The following ABCA12 variants were observed in gnomAD, a reference collection of about 807,000 sequenced individuals.
The protein encoded by ABCA12 is glucosylceramide transporter ABCA12.
A neutral mutation model predicts 293.5 loss-of-function variants in ABCA12; 156 were observed. The observed-to-expected ratio is 0.53, with a 90% CI of 0.47 to 0.61. The LOEUF (loss-of-function observed/expected upper bound fraction) is 0.61, where lower values mean the gene tolerates loss of function less well. Among genes scored for constraint, ABCA12 ranks in the 20% least tolerant of loss-of-function variants. The pLI is 0.00. For synonymous variants in ABCA12, 1,063 were observed against 1,108.0 expected (o/e 0.96, Z 0.81); for missense variants, 2,797 against 3,090.2 (o/e 0.91, Z 2.25).
rs371804152 is a variant in ABCA12 at position 214,953,986 on chromosome 2, T to A, written c.6515A>T (p.Tyr2172Phe). ...QQSVLDFLKA[Y>F]GVEYPNETFE... Reference sequence around the variant, plus strand: ...GGTTTCATTTGGGTATTCCACTCCATATGCTTTTAAGAAGTCTAGGACCGA... The same window carrying A: ...GGTTTCATTTGGGTATTCCACTCCAAATGCTTTTAAGAAGTCTAGGACCGA... The change falls in exon 44 of 53, where the codon TAT becomes TTT. Residue 2172 changes from tyrosine to phenylalanine, a missense_variant. By Grantham distance (22) the Tyr-to-Phe change is conservative. Around this residue, in one of 3 missense-constraint regions of ABCA12, gnomAD observed 2,130 missense variants for 2,427.0 expected, o/e 0.88. Coordinates refer to ENST00000272895, the MANE Select transcript of ABCA12 (RefSeq NM_173076.3). The A allele has an allele frequency of 4.6e-5, 75 of 1,614,000 alleles. No individual in the cohort carries two copies. The highest frequency in any genetic ancestry group is 6.0e-5 in the Non-Finnish European group (71 of 1,179,994).
intron 9 of ABCA12, chr2:215,029,127 C>G (rs1237808341): frequency 2.0e-5 from 3 of 152,084 alleles, no homozygotes; most frequent in Non-Finnish European, 4.4e-5. Context: ...ATAAACATTT[C>G]TCCTCTGAGC....
At chr2:215,047,720 G>A (rs1701231084) in intron 6 of ABCA12, among the ~76,000 whole-genome samples, 1 of 152,002 alleles carries the variant, frequency 6.6e-6, no homozygotes, top group Admixed American at 6.6e-5. Flanking sequence ...TAAAAACCCT[G>A]GAAGACAGCC....
At chr2:215,122,917 G>A (rs1259831415) in intron 1 of ABCA12, among the ~76,000 whole-genome samples, 1 of 152,086 alleles carries the variant, frequency 6.6e-6, no homozygotes, top group Non-Finnish European at 1.5e-5. Flanking sequence ...GTATCCAGTA[G>A]GTAATTTCTC....
intron 2 of ABCA12, among the ~76,000 whole-genome samples, chr2:215,103,133 C>T (rs970999512): frequency 1.3e-5 from 2 of 152,056 alleles, no homozygotes; most frequent in Non-Finnish European, 2.9e-5. Flanking sequence ...TTATTGCTCT[C>T]TTATAGGCTT....
Position 214,987,752 on chromosome 2 carries a change from G to A in ABCA12, c.3871C>T (p.Pro1291Ser). 2 of 1,613,954 alleles carry A rather than the reference G, an allele frequency of 1.2e-6. No individual in the cohort carries two copies. Among genetic ancestry groups the A allele is most frequent in the African/African-American group, 2.7e-5 (2 of 75,034 alleles). Residue 1291 changes from proline to serine, a missense_variant, in exon 27 of 53, where the codon CCT becomes TCT. By Grantham distance (74) the Pro-to-Ser change is moderately conservative. Transcript: ENST00000272895. Reference sequence around the variant, plus strand: ...CCAAATCGCTCCTTCCAATAGGAAGGAAGAATTGGAAAATACCAGGGAGCT... The same window carrying A: ...CCAAATCGCTCCTTCCAATAGGAAGAAAGAATTGGAAAATACCAGGGAGCT... Reference protein sequence around the residue: ...MAAPWYFPILPSYWKERFGCA... With the variant: ...MAAPWYFPILSSYWKERFGCA...
At chr2:214,967,832 C>G (rs1278795227) in intron 38 of ABCA12, among the ~76,000 whole-genome samples, 1 of 152,140 alleles carries the variant, frequency 6.6e-6, no homozygotes, top group East Asian at 1.9e-4. Flanking sequence ...AGTTCCCCCA[C>G]TTTCCCAAAG....
intron 32 of ABCA12, 115 bp from the exon 33 acceptor site, chr2:214,978,581 G>A (rs539274613): frequency 1.4e-4 from 191 of 1,326,026 alleles, no homozygotes; most frequent in African/African-American, 1.3e-3. Flanking sequence ...AATTTTTCCC[G>A]TCTGACTTCA....
chr2:214,953,465 A>G (rs1698843201), intron 44 of ABCA12, among the ~76,000 whole-genome samples: 1 of 152,100 alleles, frequency 6.6e-6, no homozygotes. Flanking sequence ...TCCCAAACTC[A>G]TTGCCAACAT....
At chr2:214,985,111 T>G (rs1332779271) in intron 28 of ABCA12, among the ~76,000 whole-genome samples, 2 of 152,202 alleles carry the variant, frequency 1.3e-5, no homozygotes, top group Non-Finnish European at 2.9e-5. Context: ...TTTTCCCATA[T>G]GAACACTGAA....
chr2:215,117,449 T>G (rs2106135142), intron 1 of ABCA12, among the ~76,000 whole-genome samples: 1 of 152,322 alleles, frequency 6.6e-6, no homozygotes, highest in Middle Eastern at 3.4e-3. Context: ...TGCAAAATTT[T>G]CATTTAAAGC....
intron 2 of ABCA12, among the ~76,000 whole-genome samples, chr2:215,091,997 C>T (rs950214471): frequency 1.3e-5 from 2 of 152,194 alleles, no homozygotes; most frequent in African/African-American, 4.8e-5. Flanking sequence ...TCCCAGAGCC[C>T]CTGGAATGCT....
At chr2:215,075,565 A>C in intron 2 of ABCA12, 1 of 700,414 alleles carries the variant, frequency 1.4e-6, no homozygotes, top group South Asian at 1.5e-5. Context: ...TGCAGGAAAA[A>C]AAAAAAATCT....
chr2:215,051,244 A>G (rs942268674), intron 5 of ABCA12, among the ~76,000 whole-genome samples: 6 of 152,302 alleles, frequency 3.9e-5, no homozygotes, highest in African/African-American at 1.4e-4. Context: ...TTAACTGGGC[A>G]TATTGAGAGA....
chr2:215,049,722 C>G lies in ABCA12; in HGVS notation c.597G>C (p.Trp199Cys), dbSNP rs16853238. 17,764 of 1,613,526 alleles carry G rather than the reference C, an allele frequency of 0.011. 1,650 individuals carry two copies. The African/African-American group carries it at 0.21, about 19-fold the overall frequency. Reference sequence around the variant, plus strand: ...TAAAAACATTTCTTCCTAGAAAGGTCCAAGAGAAGGCATCATCCACAATGT... The same window carrying G: ...TAAAAACATTTCTTCCTAGAAAGGTGCAAGAGAAGGCATCATCCACAATGT... ...SGYIVDDAFS[W>C]TFLGRNVFNK... The change falls in exon 6 of 53, where the codon TGG (tryptophan) becomes TGC (cysteine). Residue 199 changes from tryptophan (W) to cysteine (C), a missense_variant. Trp to Cys is a radical substitution (Grantham distance 215, BLOSUM62 -2). Transcript: ENST00000272895.
chr2:215,118,229 C>T (rs1437231993), intron 1 of ABCA12, among the ~76,000 whole-genome samples: 1 of 151,966 alleles, frequency 6.6e-6, no homozygotes, highest in Non-Finnish European at 1.5e-5. Flanking sequence ...TGGTGAAAAC[C>T]CGTCTCTACT....
At chr2:214,937,352 C>T (rs1201745048) in intron 51 of ABCA12, among the ~76,000 whole-genome samples, 158 bp downstream of exon 51, 1 of 152,200 alleles carries the variant, frequency 6.6e-6, no homozygotes, top group East Asian at 1.9e-4. Flanking sequence ...GCATGTGCCA[C>T]CATGCCCAGC....
rs138991899 is a variant in ABCA12 at position 215,124,955 on chromosome 2, T to G, written c.69+13185A>C. 4.4e-3 allele frequency among the ~76,000 whole-genome samples: 667 copies of G among 152,316 alleles called. 7 individuals are homozygous for G. Among genetic ancestry groups the G allele is most frequent in the African/African-American group, 0.015 (636 of 41,572 alleles). Reference sequence around the variant, plus strand: ...AGTTTCAGGTCTTCGGTTTAAGTCCTTAATCCACCTTGAGTTGATTTTTGT... The same window carrying G: ...AGTTTCAGGTCTTCGGTTTAAGTCCGTAATCCACCTTGAGTTGATTTTTGT... On this transcript the variant is annotated intron_variant, in intron 1 of 52. Coordinates refer to ENST00000272895, the MANE Select transcript of ABCA12 (RefSeq NM_173076.3).
intron 1 of ABCA12, among the ~76,000 whole-genome samples, chr2:215,129,253 C>T (rs888196302): frequency 1.3e-5 from 2 of 152,168 alleles, no homozygotes; most frequent in Non-Finnish European, 2.9e-5. Flanking sequence ...AGTTGGGGCA[C>T]TCACAGTTTT....
intron 39 of ABCA12, chr2:214,961,958 G>A (rs1196417638): frequency 6.6e-6 from 1 of 152,126 alleles, no homozygotes; most frequent in Non-Finnish European, 1.5e-5. Flanking sequence ...CCCAACAGTA[G>A]GAAGATGAAA....
Sources: gnomAD v4.1 joint callset for allele counts (sites outside exome capture counted in the v4.1 genomes callset) on GRCh38, gnomAD v4.1.1 for gene constraint, gnomAD v4.1.1 regional missense constraint, MANE v1.5 for transcripts, NCBI Gene and HGNC (gene_info 2026-07-23, HGNC 2026-07-21) for gene names.